ESRP2: variants seen among roughly 807,000 people sequenced by gnomAD.
ESRP2 encodes the protein epithelial splicing regulatory protein 2, also known as RNA binding motif protein 35A.
In ESRP2, 48 loss-of-function variants were observed where a neutral mutation model predicts 78.6. The ratio of observed to expected loss-of-function variants is 0.61; its 90% CI spans 0.48 to 0.78. The LOEUF is 0.78. Among genes scored for constraint, ESRP2 ranks in the 30% least tolerant of loss-of-function variants. ESRP2 has a pLI of 0.00. For synonymous variants in ESRP2, 383 were observed against 406.7 expected (o/e 0.94, Z 0.70); for missense variants, 863 against 965.9 (o/e 0.89, Z 1.41).
chr16:68,233,227 A>T, intron 5 of ESRP2, 100 bp downstream of exon 5: 15 of 770,702 alleles, frequency 1.9e-5, no homozygotes, highest in African/African-American at 3.5e-5. Context: ...AATGACAAAG[A>T]GGATTCCCCC....
chr16:68,232,907 AGAAAT>A lies in ESRP2; in HGVS notation c.656-97_656-93del. On this transcript the variant is annotated intron_variant, in intron 5 of 14. Transcript: ENST00000473183. The surrounding 1 kb of genome is among the most constrained non-coding windows in gnomAD (Gnocchi z 5.2). The stretch of plus-strand genomic sequence containing the variant: ...AAAAGTGGACAATTGAGAGAGATGA[AGAAAT>A]GACAGGCCGAGCACAGTGGCTCACG... 1 of 1,566,446 alleles carries A rather than the reference AGAAAT, an allele frequency of 6.4e-7. No homozygotes were observed. Among genetic ancestry groups the A allele is most frequent in the Non-Finnish European group, 8.8e-7 (1 of 1,142,670 alleles).
chr16:68,234,115 TAG>T lies in ESRP2; in HGVS notation c.328-10_328-9del. ...GTTCACCAGCTGTGAGAACTGGGGATAGGGAATGGGGAGAGAGAAACACACAG... is the reference window on the plus strand; with the variant it reads ...GTTCACCAGCTGTGAGAACTGGGGATGGAATGGGGAGAGAGAAACACACAG... On this transcript the variant is annotated splice_polypyrimidine_tract_variant and intron_variant, in intron 2 of 14. Coordinates refer to ENST00000473183, the MANE Select transcript of ESRP2 (RefSeq NM_024939.3). 1.3e-6 allele frequency: 2 copies of T among 1,598,430 alleles called. No individual in the cohort carries two copies. Among genetic ancestry groups the T allele is most frequent in the Non-Finnish European group, 1.7e-6 (2 of 1,170,854 alleles).
At chr16:68,230,635 T>C in intron 13 of ESRP2, 81 bp from the exon 14 acceptor site, 1 of 1,483,694 alleles carries the variant, frequency 6.7e-7, no homozygotes, top group Non-Finnish European at 9.0e-7. Flanking sequence ...CCCTTGTTTC[T>C]GCCTTGTGCT....
chr16:68,234,319 C>T (rs553226557), intron 2 of ESRP2: 2 of 571,456 alleles, frequency 3.5e-6, no homozygotes, highest in South Asian at 4.3e-5. Flanking sequence ...GTCACCTCCT[C>T]CAGGCCAAAT....
In ESRP2 at chr16:68,232,249, C is replaced by G; in HGVS notation, c.994G>C (p.Gly332Arg). ...ATGEEFVKIA[G>R]GTSLEVARFL... The stretch of plus-strand genomic sequence containing the variant: ...GCCCTGTTTGCAGTATACTCACCCC[C>G]TGCAATCTTTACAAACTCCTCCCCT... Residue 332 changes from glycine to arginine, a missense_variant, in exon 9 of 15, where the codon GGG becomes CGG. Gly to Arg is a moderately radical substitution (Grantham distance 125). Coordinates refer to ENST00000473183, the MANE Select transcript of ESRP2 (RefSeq NM_024939.3). This position sits in a 1 kb window ranked among gnomAD's most constrained non-coding sequence, Gnocchi z 5.2. The G allele has an allele frequency of 6.2e-7, 1 of 1,614,188 alleles. No individual in the cohort carries two copies. The highest frequency in any genetic ancestry group is 8.5e-7 in the Non-Finnish European group (1 of 1,180,028).
Position 68,231,120 on chromosome 16 carries a change from G to A in ESRP2, c.1711+58C>T, listed in dbSNP as rs1028848272. The stretch of plus-strand genomic sequence containing the variant: ...GGAGTCCCCGCTATAGAAGGTAGGG[G>A]CTTACAACAGCCTGGCTACCACAGG... On this transcript the variant is annotated intron_variant, in intron 12 of 14. Coordinates refer to ENST00000473183, the MANE Select transcript of ESRP2 (RefSeq NM_024939.3). The surrounding 1 kb of genome is among the most constrained non-coding windows in gnomAD (Gnocchi z 6.0). The A allele has an allele frequency of 1.9e-6, 3 of 1,608,074 alleles. No individual in the cohort carries two copies. The South Asian group carries it at 3.3e-5, about 18-fold the overall frequency.
At position 68,229,497 on chromosome 16, in the gene ESRP2, A is replaced by G. The variant is rs1434518659; in HGVS notation, c.*729T>C. On this transcript the variant is annotated 3_prime_UTR_variant, in exon 15 of 15. Coordinates refer to ENST00000473183, the MANE Select transcript of ESRP2 (RefSeq NM_024939.3). The stretch of plus-strand genomic sequence containing the variant: ...AGGGCAACTGGCTTTCCCAAGGCAT[A>G]CAAGAAAAGTTGGCAGAAAGTCCTC... 6.5e-6 allele frequency: 1 copy of G among 152,714 alleles called. No individual in the cohort carries two copies. The highest frequency in any genetic ancestry group is 6.5e-5 in the Admixed American group (1 of 15,280). 9.5% of individuals were successfully genotyped at this position (152,714 alleles called of 1,614,324 possible).
chr16:68,232,419 G>T lies in ESRP2; in HGVS notation c.906C>A (p.Asp302Glu). Residue 302 changes from aspartate to glutamate, a missense_variant, in exon 8 of 15, where the codon GAC becomes GAA. Physicochemically the swap from Asp to Glu is conservative, Grantham distance 45. Transcript: ENST00000473183. This position sits in a 1 kb window ranked among gnomAD's most constrained non-coding sequence, Gnocchi z 5.2. ...GGTGCTTGTGTCTCTGCAGCGCTAG[G>T]TCCCGCTGCTCGCTGTCCACAAAGC... The part of the protein sequence containing the change: ...LIRFVDSEQR[D>E]LALQRHKHHM... 6.2e-7 allele frequency: 1 copy of T among 1,614,120 alleles called. No individual in the cohort carries two copies. Among genetic ancestry groups the T allele is most frequent in the East Asian group, 2.2e-5 (1 of 44,872 alleles).
chr16:68,231,873 G>T lies in ESRP2; in HGVS notation c.1228C>A (p.Arg410Ser), dbSNP rs201685431. Reference protein sequence around the residue: ...ACEELAQAALRRHKGMLGKRY... With the variant: ...ACEELAQAALSRHKGMLGKRY... ...TTACCCAGCATGCCCTTGTGCCTGCGCAGTGCAGCCTGTGCCAGCTCCTCA... is the reference window on the plus strand; with the variant it reads ...TTACCCAGCATGCCCTTGTGCCTGCTCAGTGCAGCCTGTGCCAGCTCCTCA... Residue 410 changes from arginine (R) to serine (S), a missense_variant, in exon 10 of 15, where the codon CGC becomes AGC. Arg to Ser is a moderately radical substitution (Grantham distance 110). Transcript: ENST00000473183. The surrounding 1 kb of genome is among the most constrained non-coding windows in gnomAD (Gnocchi z 6.0). 3 of 1,613,956 alleles carry T rather than the reference G, an allele frequency of 1.9e-6. No individual in the cohort carries two copies. The highest frequency in any genetic ancestry group is 1.7e-6 in the Non-Finnish European group (2 of 1,179,984).
At position 68,234,039 on chromosome 16, in the gene ESRP2, CCCA is replaced by C; in HGVS notation, c.393_395del (p.Asp131_Gly132delinsGlu). The C allele has an allele frequency of 6.2e-7, 1 of 1,614,060 alleles. No individual in the cohort carries two copies. Among genetic ancestry groups the C allele is most frequent in the Non-Finnish European group, 8.5e-7 (1 of 1,179,974 alleles). On this transcript the variant is annotated inframe_deletion, in exon 3 of 15. Coordinates refer to ENST00000473183, the MANE Select transcript of ESRP2 (RefSeq NM_024939.3). Reference sequence around the variant, plus strand: ...GCAGGACCTGTCGCAATAGCTGCTGCCCATCAGTGCAGAGCATGTAGGGGCCCC... The same window carrying C: ...GCAGGACCTGTCGCAATAGCTGCTGCTCAGTGCAGAGCATGTAGGGGCCCC...
rs1009904136 is a variant in ESRP2, at chr16:68,235,364, C to T, written c.327+270G>A. ...CTCGGCCTCGCTCCCCGGGCGGGAA[C>T]TGGGGATGGATCCCAAAGCCTGCGT... is the stretch of plus-strand genomic sequence containing the variant. On this transcript the variant is annotated intron_variant, in intron 2 of 14. Coordinates refer to ENST00000473183, the MANE Select transcript of ESRP2 (RefSeq NM_024939.3). This position sits in a 1 kb window ranked among gnomAD's most constrained non-coding sequence, Gnocchi z 5.5. 4.1e-6 allele frequency: 4 copies of T among 985,324 alleles called. No individual in the cohort carries two copies. In the African/African-American group the frequency reaches 5.2e-5, roughly 13 times the overall value. 61.0% of individuals were successfully genotyped at this position (985,324 alleles called of 1,614,324 possible).
Position 68,230,021 on chromosome 16 carries a change from T to G in ESRP2, c.*205A>C. 1 of 601,298 alleles carries G rather than the reference T, an allele frequency of 1.7e-6. No individual in the cohort carries two copies. Among genetic ancestry groups the G allele is most frequent in the Non-Finnish European group, 3.0e-6 (1 of 338,648 alleles). The allele number at this position is 601,298 out of a possible 1,614,324, so 37.2% of individuals were successfully genotyped here. On this transcript the variant is annotated 3_prime_UTR_variant, in exon 15 of 15. Transcript: ENST00000473183. ...GTTAGCCCCATTCCACCCCCAGCCC[T>G]GCATGCAGGGTCCAGCCATTGTCTT...
chr16:68,230,338 G>T (rs2042109535), intron 14 of ESRP2, 23 bp from the exon 15 acceptor site: 1 of 1,614,058 alleles, frequency 6.2e-7, no homozygotes, highest in African/African-American at 1.3e-5. Flanking sequence ...CACAGATTTA[G>T]GGCAGAGAGC....
rs980893135 is a variant in ESRP2, at chr16:68,229,171, C to G, written c.*1055G>C. The G allele has an allele frequency of 6.6e-6, 1 of 152,176 alleles. No individual in the cohort carries two copies. The highest frequency in any genetic ancestry group is 2.4e-5 in the African/African-American group (1 of 41,426). The allele number at this position is 152,176 out of a possible 1,614,324, so 9.4% of individuals were successfully genotyped here. A position where few individuals can be genotyped will look rare whatever the true frequency, so the allele number is the denominator to read the frequency against. Reference sequence around the variant, plus strand: ...AAACCTTTTATGGGAGTGCAGTGCTCCTTACACAAATACAAAGGGAAGAAG... The same window carrying G: ...AAACCTTTTATGGGAGTGCAGTGCTGCTTACACAAATACAAAGGGAAGAAG... On this transcript the variant is annotated 3_prime_UTR_variant, in exon 15 of 15. Transcript: ENST00000473183.
Position 68,232,054 on chromosome 16 carries a change from G to T in ESRP2, c.1047C>A (p.Ile349=), listed in dbSNP as rs1567564411. 1.2e-6 allele frequency: 2 copies of T among 1,613,824 alleles called. No homozygotes were observed. Among genetic ancestry groups the T allele is most frequent in the Non-Finnish European group, 8.5e-7 (1 of 1,179,946 alleles). Residue 349 remains isoleucine, a synonymous_variant, in exon 10 of 15, where the codon ATC becomes ATA. Coordinates refer to ENST00000473183, the MANE Select transcript of ESRP2 (RefSeq NM_024939.3). This position sits in a 1 kb window ranked among gnomAD's most constrained non-coding sequence, Gnocchi z 5.2. The stretch of plus-strand genomic sequence containing the variant: ...AGAAGGGCAGTCCCCGCAGCCGCAG[G>T]ATCACTTGGTCTTCCCGTGACAAGA... ...ARFLSREDQV[I]LRLRGLPFSA...
At position 68,236,098 on chromosome 16, in the gene ESRP2, G is replaced by A; in HGVS notation, c.-53C>T. 7.3e-7 allele frequency: 1 copy of A among 1,370,124 alleles called. No homozygotes were observed. Among genetic ancestry groups the A allele is most frequent in the Non-Finnish European group, 9.3e-7 (1 of 1,071,242 alleles). The allele number at this position is 1,370,124 out of a possible 1,614,324, so 84.9% of individuals were successfully genotyped here. A position where few individuals can be genotyped will look rare whatever the true frequency, so the allele number is the denominator to read the frequency against. ...AGACACGCGGACCGACGAGGCGCAC[G>A]CACGCACCGACCGACCGCAGACGCG... On this transcript the variant is annotated 5_prime_UTR_variant, in exon 1 of 15. Transcript: ENST00000473183. This position sits in a 1 kb window ranked among gnomAD's most constrained non-coding sequence, Gnocchi z 5.2.
Position 68,235,460 on chromosome 16 carries a change from C to G in ESRP2, c.327+174G>C, listed in dbSNP as rs73612289. On this transcript the variant is annotated intron_variant, in intron 2 of 14. Coordinates refer to ENST00000473183, the MANE Select transcript of ESRP2 (RefSeq NM_024939.3). This position sits in a 1 kb window ranked among gnomAD's most constrained non-coding sequence, Gnocchi z 5.5. ...AAGGAGCCCAGGGGAATGGCTGGCA[C>G]GCGCGGATGAAAGGGGCACGCACAC... 1,086 of 985,416 alleles carry G rather than the reference C, an allele frequency of 1.1e-3. 11 individuals are homozygous for G. The African/African-American group carries it at 0.018, about 16-fold the overall frequency. The allele number at this position is 985,416 out of a possible 1,614,324, so 61.0% of individuals were successfully genotyped here.
Position 68,235,682 on chromosome 16 carries a change from G to T in ESRP2, c.279C>A (p.Ser93Arg). The T allele has an allele frequency of 1.3e-6, 2 of 1,599,016 alleles. No individual in the cohort carries two copies. Among genetic ancestry groups the T allele is most frequent in the Non-Finnish European group, 1.7e-6 (2 of 1,178,370 alleles). ...STQCREASGL[S>R]ADSLARAEPL... ...GCTCTGCCCGCGCCAGGCTGTCGGC[G>T]CTCAGGCCGCTCGCCTCGCGGCACT... is the stretch of plus-strand genomic sequence containing the variant. The change falls in exon 2 of 15, where the codon AGC becomes AGA. Residue 93 changes from serine to arginine, a missense_variant. Physicochemically the swap from Ser to Arg is moderately radical, Grantham distance 110. Transcript: ENST00000473183. This position sits in a 1 kb window ranked among gnomAD's most constrained non-coding sequence, Gnocchi z 5.5.
At position 68,233,521 on chromosome 16, in the gene ESRP2, A is replaced by T. The variant is rs576255350; in HGVS notation, c.557-96T>A. On this transcript the variant is annotated intron_variant, in intron 4 of 14. Coordinates refer to ENST00000473183, the MANE Select transcript of ESRP2 (RefSeq NM_024939.3). ...TCCCCTCCATAGACACATGCTGGAGACCAGCATACACATTTGTTTTGGCCC... is the reference window on the plus strand; with the variant it reads ...TCCCCTCCATAGACACATGCTGGAGTCCAGCATACACATTTGTTTTGGCCC... 2.1e-5 allele frequency: 20 copies of T among 945,230 alleles called. No homozygotes were observed. The East Asian group carries it at 4.8e-4, about 23-fold the overall frequency. 58.6% of individuals were successfully genotyped at this position (945,230 alleles called of 1,614,324 possible). A position where few individuals can be genotyped will look rare whatever the true frequency, so the allele number is the denominator to read the frequency against.
Sources: allele counts gnomAD v4.1 joint callset, GRCh38; gene constraint gnomAD v4.1.1; non-coding constraint Gnocchi (gnomAD v3.1); transcripts MANE v1.5; gene names NCBI Gene and HGNC (gene_info 2026-07-23, HGNC 2026-07-21).